WDPCP: variants seen among roughly 807,000 people sequenced by gnomAD.
The protein encoded by WDPCP is WD repeat containing planar cell polarity effector.
A neutral mutation model predicts 93.1 loss-of-function variants in WDPCP; 71 were observed. The ratio of observed to expected loss-of-function variants is 0.76; its 90% CI spans 0.63 to 0.93. The LOEUF is 0.93. Ranked by LOEUF, WDPCP falls within the 40% of genes least tolerant of loss-of-function variation. WDPCP has a pLI of 0.00. For synonymous variants in WDPCP, 315 were observed against 315.0 expected, an observed-to-expected ratio of 1.00 and a Z score of 0.00; for missense variants, 844 against 887.4, an observed-to-expected ratio of 0.95 and a Z score of 0.62.
At chr2:63,809,254 T>A (rs1300623368) in intron 2 of WDPCP, among the ~76,000 whole-genome samples, 1 of 150,548 alleles carries the variant, frequency 6.6e-6, no homozygotes, top group Non-Finnish European at 1.5e-5. Context: ...GAGGAGCCCC[T>A]CTGCCCAGCC....
upstream of WDPCP, chr2:63,588,964 A>G (rs368440806): frequency 2.2e-5 from 35 of 1,603,602 alleles, no homozygotes; most frequent in Non-Finnish European, 2.6e-5. Context: ...GCCCTCTCCG[A>G]GTCAGTTCCG....
At chr2:63,158,667 A>G (rs1015921290) in intron 15 of WDPCP, among the ~76,000 whole-genome samples, 2 of 152,094 alleles carry the variant, frequency 1.3e-5, no homozygotes, top group African/African-American at 2.4e-5. Flanking sequence ...CTACAGCTCT[A>G]ATGTCATGAA....
intron 1 of WDPCP, among the ~76,000 whole-genome samples, chr2:63,536,260 T>G (rs1704269467): frequency 6.6e-6 from 1 of 152,198 alleles, no homozygotes; most frequent in African/African-American, 2.4e-5. Flanking sequence ...ACACTGTTGG[T>G]GGGAATGTAA....
intron 1 of WDPCP, among the ~76,000 whole-genome samples, chr2:63,529,870 T>C (rs1269144384): frequency 1.3e-5 from 2 of 152,212 alleles, no homozygotes; most frequent in Non-Finnish European, 2.9e-5. Context: ...ATTGCCTCAA[T>C]TTCAGACCCT....
chr2:63,623,079 A>G (rs1334826472), intron 3 of WDPCP, among the ~76,000 whole-genome samples: 1 of 152,250 alleles, frequency 6.6e-6, no homozygotes, highest in Non-Finnish European at 1.5e-5. Flanking sequence ...CTCATATCCA[A>G]TCAAACTAAG....
intron 9 of WDPCP, among the ~76,000 whole-genome samples, chr2:63,426,326 A>C (rs1487473819): frequency 6.6e-6 from 1 of 152,144 alleles, no homozygotes; most frequent in Non-Finnish European, 1.5e-5. Flanking sequence ...TAGGTGACAG[A>C]GTGAGACTCT....
intron 17 of WDPCP, among the ~76,000 whole-genome samples, chr2:63,123,311 C>A (rs1367137202): frequency 6.6e-6 from 1 of 151,886 alleles, no homozygotes; most frequent in Non-Finnish European, 1.5e-5. Flanking sequence ...TGGCAGAGAT[C>A]CTAGGTAAAT....
intron 13 of WDPCP, among the ~76,000 whole-genome samples, chr2:63,303,142 A>G (rs562081706): frequency 1.3e-5 from 2 of 152,090 alleles, no homozygotes; most frequent in Admixed American, 1.3e-4. Flanking sequence ...GCTACCTCCA[A>G]TTTACAAGGC....
intron 12 of WDPCP, among the ~76,000 whole-genome samples, chr2:63,332,371 C>T (rs1343581508): frequency 6.6e-6 from 1 of 151,994 alleles, no homozygotes; most frequent in Non-Finnish European, 1.5e-5. Context: ...AGAAAATTTC[C>T]AGTATATCCA....
At chr2:63,690,533 C>T (rs1000724236) in intron 2 of WDPCP, among the ~76,000 whole-genome samples, 2 of 152,018 alleles carry the variant, frequency 1.3e-5, no homozygotes, top group African/African-American at 2.4e-5. Flanking sequence ...ATGGGCAGAT[C>T]GCTTGAGCCC....
chr2:63,819,121 T>G (rs1183370781), intron 1 of WDPCP, among the ~76,000 whole-genome samples: 1 of 152,198 alleles, frequency 6.6e-6, no homozygotes, highest in Admixed American at 6.5e-5. Flanking sequence ...TGAGGTACAC[T>G]TAATTATGAC....
chr2:63,780,317 A>G (rs1401235679), intron 2 of WDPCP, among the ~76,000 whole-genome samples: 1 of 152,170 alleles, frequency 6.6e-6, no homozygotes, highest in African/African-American at 2.4e-5. Flanking sequence ...TGATGAATGC[A>G]TATTGCATGT....
intron 2 of WDPCP, among the ~76,000 whole-genome samples, chr2:63,808,161 T>C (rs1402049684): frequency 2.0e-5 from 3 of 152,228 alleles, no homozygotes; most frequent in Non-Finnish European, 2.9e-5. Flanking sequence ...TGGTGTGTAA[T>C]AGAAATGCTA....
At chr2:63,157,465 T>C (rs1397750197) in intron 15 of WDPCP, among the ~76,000 whole-genome samples, 1 of 152,170 alleles carries the variant, frequency 6.6e-6, no homozygotes, top group Non-Finnish European at 1.5e-5. Context: ...CAATTGCTAG[T>C]ATATTTTTCT....
chr2:63,705,844 G>A (rs1334106301), intron 2 of WDPCP, among the ~76,000 whole-genome samples: 1 of 151,518 alleles, frequency 6.6e-6, no homozygotes, highest in Non-Finnish European at 1.5e-5. Context: ...TCAATTCCTG[G>A]ATATCCTTGT....
intron 2 of WDPCP, among the ~76,000 whole-genome samples, chr2:63,706,743 A>C (rs1299002687): frequency 1.3e-5 from 2 of 149,740 alleles, no homozygotes; most frequent in Non-Finnish European, 3.0e-5. Context: ...CAGCCTCCCG[A>C]GTAGCTGGGA....
chr2:63,433,782 T>C lies in WDPCP; in HGVS notation c.788A>G (p.Asn263Ser). 6.2e-7 allele frequency: 1 copy of C among 1,613,760 alleles called. No homozygotes were observed. The highest frequency in any genetic ancestry group is 8.5e-7 in the Non-Finnish European group (1 of 1,179,826). ...TTGAGCATAACCCAGGAGGAGTAGA[T>C]TGGCTCTGTCCTTCTCAGAAGAAAT... ...APISSEKDRA[N>S]LLLLGYAQGR... is the part of the protein sequence containing the mutation. The change falls in exon 9 of 18, where the codon AAT becomes AGT. Residue 263 changes from asparagine to serine, a missense_variant. Transcript: ENST00000272321.
rs922053121 is a variant in WDPCP, at chr2:63,684,040, C to T, written n.309-33202G>A. ...ATGATAGCCGGAGACTTCAACACAC[C>T]ACTTTCAGCATTGGACAGATCTTCC... On this transcript the variant is annotated intron_variant and non_coding_transcript_variant, in intron 2 of 4. Coordinates refer to the WDPCP transcript ENST00000467687. Among the ~76,000 whole-genome samples the T allele has an allele frequency of 3.3e-5, 5 of 152,212 alleles. No homozygotes were observed. In the South Asian group the frequency reaches 1.0e-3, roughly 32 times the overall value.
intron 15 of WDPCP, among the ~76,000 whole-genome samples, chr2:63,173,330 A>AT (rs1673549853): frequency 6.6e-6 from 1 of 151,122 alleles, no homozygotes; most frequent in Admixed American, 6.6e-5. Flanking sequence ...TGTTTTTCTC[A>AT]TTTCCAGCCT....
Sources: allele counts gnomAD v4.1 joint callset (sites outside exome capture counted in the v4.1 genomes callset), GRCh38; gene constraint gnomAD v4.1.1; transcripts MANE v1.5; gene names NCBI Gene and HGNC (gene_info 2026-07-23, HGNC 2026-07-21).